The following ANK1 variants were observed in gnomAD, a reference collection of about 807,000 sequenced individuals.
ANK1 encodes the protein ankyrin-1.
A neutral mutation model predicts 210.4 loss-of-function variants in ANK1; 51 were observed. That is an observed-to-expected ratio of 0.24 (90% CI 0.19 to 0.31). The LOEUF (loss-of-function observed/expected upper bound fraction) is 0.31, where lower values mean the gene tolerates loss of function less well. ANK1 is among the 10% of genes least tolerant of loss of function. The probability of loss-of-function intolerance (pLI) is 1.00; values close to 1 mark genes in which losing one functional copy is unlikely to be tolerated. For missense variants in ANK1, 2,051 were observed against 2,504.4 expected, an observed-to-expected ratio of 0.82 and a Z score of 3.86; for synonymous variants, 967 against 1,025.9, an observed-to-expected ratio of 0.94 and a Z score of 1.10.
intron 1 of ANK1, among the ~76,000 whole-genome samples, chr8:41,845,227 T>C (rs1809793608): frequency 6.6e-6 from 1 of 151,730 alleles, no homozygotes; most frequent in Non-Finnish European, 1.5e-5. Context: ...TCTACAAAAA[T>C]ACAAAAAATT....
intron 37 of ANK1, among the ~76,000 whole-genome samples, chr8:41,684,246 C>G (rs1816993083): frequency 6.6e-6 from 1 of 152,248 alleles, no homozygotes; most frequent in South Asian, 2.1e-4. Flanking sequence ...TCAGCTTTTT[C>G]TCATACACCA....
chr8:41,663,114 C>CTCTGTGTGTG (rs1554517870), intron 40 of ANK1, among the ~76,000 whole-genome samples: 6 of 145,118 alleles, frequency 4.1e-5, no homozygotes, highest in African/African-American at 1.5e-4. Flanking sequence ...CTCTCTCTCT[C>CTCTGTGTGTG]TGTGTGTGTG....
At chr8:41,815,020 T>C (rs912213142) in intron 1 of ANK1, among the ~76,000 whole-genome samples, 1 of 152,124 alleles carries the variant, frequency 6.6e-6, no homozygotes, top group Non-Finnish European at 1.5e-5. Flanking sequence ...TATTTCGAGA[T>C]CAAAAAGATT....
At chr8:41,853,901 C>T (rs1452921252) in intron 1 of ANK1, among the ~76,000 whole-genome samples, 5 of 152,178 alleles carry the variant, frequency 3.3e-5, no homozygotes, top group African/African-American at 1.2e-4. Context: ...ACTCGGATTA[C>T]AGGCAGGAGC....
rs768625717 is a variant in ANK1 at position 41,797,569 on chromosome 8, G to T, written c.-31C>A. On this transcript the variant is annotated 5_prime_UTR_variant, in exon 1 of 43. Coordinates refer to ENST00000289734, the MANE Select transcript of ANK1 (RefSeq NM_000037.4). The surrounding 1 kb of genome is among the most constrained non-coding windows in gnomAD (Gnocchi z 4.0). ...TCTTTCAGCAGGGGCCCGCCGAAGG[G>T]CCTTGGGGGCTTGAGGAGGAGCAGC... The T allele has an allele frequency of 6.2e-7, 1 of 1,612,758 alleles. No homozygotes were observed.
intron 1 of ANK1, among the ~76,000 whole-genome samples, chr8:41,847,515 A>T (rs1348554149): frequency 6.6e-6 from 1 of 152,212 alleles, no homozygotes; most frequent in East Asian, 1.9e-4. Context: ...ACTGACTTTT[A>T]TTGATGGAAT....
upstream of ANK1, among the ~76,000 whole-genome samples, chr8:41,800,497 A>G (rs896695795): frequency 7.9e-5 from 12 of 152,160 alleles, no homozygotes; most frequent in Non-Finnish European, 1.6e-4. Context: ...TTCCCCATCT[A>G]TATCTATACC....
At chr8:41,838,119 T>C (rs1021798115) in intron 1 of ANK1, among the ~76,000 whole-genome samples, 5 of 152,216 alleles carry the variant, frequency 3.3e-5, no homozygotes, top group African/African-American at 1.2e-4. Context: ...CCACTGTTTA[T>C]TGAGCATTTT....
chr8:41,664,532 C>G (rs1178348310), intron 39 of ANK1, among the ~76,000 whole-genome samples: 1 of 152,008 alleles, frequency 6.6e-6, no homozygotes, highest in African/African-American at 2.4e-5. Context: ...AAGAAAGAAA[C>G]AAAGAAAGAA....
intron 8 of ANK1, 45 bp downstream of exon 8, chr8:41,723,490 G>T (rs1388507512): frequency 1.2e-6 from 2 of 1,602,994 alleles, no homozygotes; most frequent in South Asian, 1.1e-5. Context: ...TTGTGAGGGG[G>T]GACCTCCCTC....
intron 1 of ANK1, among the ~76,000 whole-genome samples, chr8:41,881,634 T>C (rs11989207): frequency 0.65 from 99,307 of 152,152 alleles, 34,595 homozygotes; most frequent in African/African-American, 0.91. Flanking sequence ...TCTCACTTTT[T>C]TCCTCTTAGG....
intron 2 of ANK1, among the ~76,000 whole-genome samples, chr8:41,754,766 C>T (rs1838680316): frequency 6.6e-6 from 1 of 152,210 alleles, no homozygotes; most frequent in South Asian, 2.1e-4. Flanking sequence ...TGGGTTCAGC[C>T]ACTGCAGTCC....
chr8:41,865,051 C>A (rs778490270), intron 1 of ANK1, among the ~76,000 whole-genome samples: 1 of 152,162 alleles, frequency 6.6e-6, no homozygotes, highest in Non-Finnish European at 1.5e-5. Context: ...TCCTACCAGT[C>A]GCAAGGTGGT....
intron 1 of ANK1, among the ~76,000 whole-genome samples, chr8:41,845,150 C>T (rs1809771445): frequency 6.6e-6 from 1 of 152,084 alleles, no homozygotes. Flanking sequence ...TTTGGGAGGC[C>T]GAGGCAGGCG....
At position 41,723,520 on chromosome 8, in the gene ANK1, C is replaced by T. The variant is rs375342007; in HGVS notation, c.810+15G>A. 4 of 1,613,862 alleles carry T rather than the reference C, an allele frequency of 2.5e-6. No individual in the cohort carries two copies. The highest frequency in any genetic ancestry group is 3.4e-6 in the Non-Finnish European group (4 of 1,179,928). On this transcript the variant is annotated intron_variant, in intron 8 of 42. Coordinates refer to ENST00000289734, the MANE Select transcript of ANK1 (RefSeq NM_000037.4). ...TCCCTCCCCCTGCCTGGCTACAGCA[C>T]CTGCTGGCACCCACCTTGGTCTTGG...
At chr8:41,846,766 C>T (rs1482303646) in intron 1 of ANK1, among the ~76,000 whole-genome samples, 3 of 152,194 alleles carry the variant, frequency 2.0e-5, no homozygotes, top group South Asian at 2.1e-4. Context: ...GGATACCCTA[C>T]GGCCCTCATC....
At chr8:41,748,243 C>T (rs1026539341) in intron 2 of ANK1, among the ~76,000 whole-genome samples, 6 of 152,200 alleles carry the variant, frequency 3.9e-5, no homozygotes, top group Admixed American at 3.9e-4. Context: ...AGAGCTGCAC[C>T]AAGGCAGCAA....
At chr8:41,681,284 T>A (rs1189603747) in intron 37 of ANK1, among the ~76,000 whole-genome samples, 2 of 152,260 alleles carry the variant, frequency 1.3e-5, no homozygotes, top group African/African-American at 4.8e-5. Flanking sequence ...GGGTGTGAGA[T>A]GATCATTTCT....
chr8:41,728,608 G>A (rs776543811), intron 3 of ANK1, among the ~76,000 whole-genome samples: 1 of 152,180 alleles, frequency 6.6e-6, no homozygotes. Flanking sequence ...TGGTGTGATT[G>A]GAGTGGCGCA....
Sources: allele counts gnomAD v4.1 joint callset (sites outside exome capture counted in the v4.1 genomes callset), GRCh38; gene constraint gnomAD v4.1.1; non-coding constraint Gnocchi (gnomAD v3.1); transcripts MANE v1.5; gene names NCBI Gene and HGNC (gene_info 2026-07-23, HGNC 2026-07-21).